Variants in WDR33 observed in about 807,000 individuals in gnomAD.
The protein encoded by WDR33 is WD repeat domain 33, also known as pre-mRNA 3' end processing protein WDR33.
WDR33 carries 47 observed loss-of-function variants against 164.9 expected under a neutral mutation model. That is an observed-to-expected ratio of 0.29 (90% CI 0.23 to 0.36). WDR33 has a LOEUF of 0.36. Ranked by LOEUF, WDR33 falls within the 10% of genes least tolerant of loss-of-function variation. The pLI, the probability that WDR33 is intolerant of heterozygous loss-of-function variation, is 1.00. For synonymous variants in WDR33, 505 were observed against 589.0 expected, an observed-to-expected ratio of 0.86 and a Z score of 2.06; for missense variants, 1,137 against 1,754.1, an observed-to-expected ratio of 0.65 and a Z score of 6.28.
chr2:127,717,234 C>A lies in WDR33; in HGVS notation c.2790G>T (p.Leu930=), dbSNP rs202200465. The A allele has an allele frequency of 1.2e-5, 20 of 1,604,636 alleles. No individual in the cohort carries two copies. The African/African-American group carries it at 2.7e-4, about 21-fold the overall frequency. Residue 930 remains leucine (L), a synonymous_variant, in exon 17 of 22, where the codon CTG becomes CTT. Transcript: ENST00000322313. This position sits in a 1 kb window ranked among gnomAD's most constrained non-coding sequence, Gnocchi z 5.6. ...QEGQSTGPPP[L]IPGLGQQGAQ... ...CTCCCTGCTGCCCTAGGCCTGGTATCAGGGGTGGGGGGCCTGTGCTCTGTC... is the reference window on the plus strand; with the variant it reads ...CTCCCTGCTGCCCTAGGCCTGGTATAAGGGGTGGGGGGCCTGTGCTCTGTC...
At chr2:127,794,374 C>T (rs190607936) in intron 1 of WDR33, among the ~76,000 whole-genome samples, 2,151 of 151,074 alleles carry the variant, frequency 0.014, 32 homozygotes, top group Middle Eastern at 0.086. Flanking sequence ...GTGGCAGGTG[C>T]CTGTAATCCC....
chr2:127,720,356 G>A lies in WDR33; in HGVS notation c.1672-3C>T, dbSNP rs1686407637. 6.7e-7 allele frequency: 1 copy of A among 1,499,816 alleles called. No homozygotes were observed. 92.9% of individuals were successfully genotyped at this position (1,499,816 alleles called of 1,614,324 possible). A position where few individuals can be genotyped will look rare whatever the true frequency, so the allele number is the denominator to read the frequency against. The stretch of plus-strand genomic sequence containing the variant: ...GCAAGTCTTTCAATTTTAAGTTGCT[G>A]GAAAGAAAGAAAGAAAAAAGCATGT... On this transcript the variant is annotated splice_polypyrimidine_tract_variant and splice_region_variant and intron_variant, in intron 15 of 21. Coordinates refer to ENST00000322313, the MANE Select transcript of WDR33 (RefSeq NM_018383.5). This position sits in a 1 kb window ranked among gnomAD's most constrained non-coding sequence, Gnocchi z 5.9.
chr2:127,802,186 CAG>C (rs897080726), intron 1 of WDR33, among the ~76,000 whole-genome samples: 7 of 151,176 alleles, frequency 4.6e-5, no homozygotes, highest in Non-Finnish European at 1.0e-4. Flanking sequence ...AAAATTAAGA[CAG>C]TAAAATTTTG....
Position 127,722,476 on chromosome 2 carries a change from T to C in WDR33, c.1518+115A>G. ...AACCATGTCTAAGAGTACGTGAACA[T>C]GGGAAAAATGCTCCAGTACAGAAAC... On this transcript the variant is annotated intron_variant, in intron 14 of 21. Coordinates refer to ENST00000322313, the MANE Select transcript of WDR33 (RefSeq NM_018383.5). The surrounding 1 kb of genome is among the most constrained non-coding windows in gnomAD (Gnocchi z 5.1). The C allele has an allele frequency of 3.5e-6, 5 of 1,413,884 alleles. No individual in the cohort carries two copies. In the South Asian group the frequency reaches 5.7e-5, roughly 16 times the overall value. The allele number at this position is 1,413,884 out of a possible 1,614,324, so 87.6% of individuals were successfully genotyped here.
At chr2:127,743,512 C>A (rs201028964) in intron 7 of WDR33, among the ~76,000 whole-genome samples, 2 of 152,138 alleles carry the variant, frequency 1.3e-5, no homozygotes, top group East Asian at 3.8e-4. Context: ...GAAATGCTAT[C>A]TTTTTTGTTC....
At chr2:127,732,378 G>C (rs13405016) in intron 7 of WDR33, among the ~76,000 whole-genome samples, 2 of 151,432 alleles carry the variant, frequency 1.3e-5, no homozygotes, top group Admixed American at 1.3e-4. Flanking sequence ...CACAGGAGGC[G>C]GAGGCTGCAG....
chr2:127,701,707 C>G lies in WDR33; in HGVS notation c.*4616G>C. 7.5e-7 allele frequency: 1 copy of G among 1,327,134 alleles called. No homozygotes were observed. Among genetic ancestry groups the G allele is most frequent in the South Asian group, 1.9e-5 (1 of 51,756 alleles). The allele number at this position is 1,327,134 out of a possible 1,614,324, so 82.2% of individuals were successfully genotyped here. On this transcript the variant is annotated 3_prime_UTR_variant, in exon 22 of 22. Transcript: ENST00000322313. ...ACGTGGGCGCGGAGCCCTGCGGAGT[C>G]GGCAGCGGCCGGCCTGACGTGCCTC...
intron 1 of WDR33, among the ~76,000 whole-genome samples, chr2:127,781,312 G>C (rs920835762): frequency 2.0e-5 from 3 of 152,272 alleles, no homozygotes; most frequent in Non-Finnish European, 4.4e-5. Flanking sequence ...CAAGAGTTAG[G>C]GGGGTAGGAG....
At chr2:127,767,231 C>A (rs937593052) in intron 4 of WDR33, among the ~76,000 whole-genome samples, 2 of 152,058 alleles carry the variant, frequency 1.3e-5, no homozygotes, top group Non-Finnish European at 2.9e-5. Flanking sequence ...TTGACACAAT[C>A]GTCTTTTCTC....
At position 127,712,345 on chromosome 2, in the gene WDR33, G is replaced by A. The variant is rs932803583; in HGVS notation, c.3308+1238C>T. 7.9e-5 allele frequency among the ~76,000 whole-genome samples: 12 copies of A among 151,572 alleles called. No homozygotes were observed. The highest frequency in any genetic ancestry group is 2.4e-4 in the African/African-American group (10 of 41,234). On this transcript the variant is annotated intron_variant, in intron 18 of 21. Transcript: ENST00000322313. The surrounding 1 kb of genome is among the most constrained non-coding windows in gnomAD (Gnocchi z 4.0). The stretch of plus-strand genomic sequence containing the variant: ...TGGAAGGTGGAGGCTGCAGTGAGCC[G>A]AGATCGTGCCACTGCACTCCAGCCT...
chr2:127,750,937 C>T (rs11693223), intron 7 of WDR33, among the ~76,000 whole-genome samples: 13,581 of 151,222 alleles, frequency 0.09, 659 homozygotes, highest in Middle Eastern at 0.16. Flanking sequence ...AAAAACTACA[C>T]AAAATGTCTA....
intron 18 of WDR33, among the ~76,000 whole-genome samples, chr2:127,711,780 A>ATATATATATATATAT: frequency 4.5e-5 from 4 of 88,316 alleles, no homozygotes; most frequent in Non-Finnish European, 8.0e-5. Context: ...ATATATATAT[A>ATATATATATATATAT]TTTTTTTTTT....
rs1161071581 is a variant in WDR33 at position 127,750,677 on chromosome 2, AATATATATATAT to A, written c.724+12373_724+12384del. ...AAAAAAAAAAAAAAAAAAAAAAAAAAATATATATATATATATATATATATATATATATATATG... is the reference window on the plus strand; with the variant it reads ...AAAAAAAAAAAAAAAAAAAAAAAAAAATATATATATATATATATATATATG... On this transcript the variant is annotated intron_variant, in intron 7 of 21. Transcript: ENST00000322313. Among the ~76,000 whole-genome samples the A allele has an allele frequency of 8.4e-4, 30 of 35,796 alleles. No individual in the cohort carries two copies. The East Asian group carries it at 0.011, about 13-fold the overall frequency. The allele number at this position is 35,796 out of a possible 152,430, so 23.5% of individuals were successfully genotyped here. A position where few individuals can be genotyped will look rare whatever the true frequency, so the allele number is the denominator to read the frequency against.
At chr2:127,760,349 T>C (rs1196643907) in intron 7 of WDR33, among the ~76,000 whole-genome samples, 1 of 152,220 alleles carries the variant, frequency 6.6e-6, no homozygotes, top group South Asian at 2.1e-4. Flanking sequence ...CCTGATGCCA[T>C]AGAGTCTATG....
intron 7 of WDR33, among the ~76,000 whole-genome samples, chr2:127,732,225 A>G (rs1686729653): frequency 6.6e-6 from 1 of 152,118 alleles, no homozygotes; most frequent in Non-Finnish European, 1.5e-5. Flanking sequence ...ATAATACTTA[A>G]GCTAGTAACC....
intron 7 of WDR33, among the ~76,000 whole-genome samples, chr2:127,754,141 T>C (rs1687449469): frequency 6.6e-6 from 1 of 152,204 alleles, no homozygotes; most frequent in African/African-American, 2.4e-5. Flanking sequence ...CATTCACTAC[T>C]TCAAACAATA....
intron 7 of WDR33, among the ~76,000 whole-genome samples, chr2:127,762,260 T>C (rs1687700654): frequency 1.3e-5 from 2 of 152,174 alleles, no homozygotes; most frequent in African/African-American, 4.8e-5. Context: ...AGGTTCAAAT[T>C]AAGCACTGGA....
At position 127,704,570 on chromosome 2, in the gene WDR33, G is replaced by C. The variant is rs997038377; in HGVS notation, c.*1753C>G. On this transcript the variant is annotated 3_prime_UTR_variant, in exon 22 of 22. Transcript: ENST00000322313. Reference sequence around the variant, plus strand: ...TAAAGCAATCTTGAGCCTCCTAATAGCATGTTTATGGTGGAGCGCTGATTA... The same window carrying C: ...TAAAGCAATCTTGAGCCTCCTAATACCATGTTTATGGTGGAGCGCTGATTA... 22 of 166,856 alleles carry C rather than the reference G, an allele frequency of 1.3e-4. No homozygotes were observed. The Admixed American group carries it at 1.4e-3, about 10-fold the overall frequency. 10.3% of individuals were successfully genotyped at this position (166,856 alleles called of 1,614,324 possible). A position where few individuals can be genotyped will look rare whatever the true frequency, so the allele number is the denominator to read the frequency against.
chr2:127,745,877 T>C (rs931685574), intron 7 of WDR33, among the ~76,000 whole-genome samples: 1 of 151,936 alleles, frequency 6.6e-6, no homozygotes, highest in Non-Finnish European at 1.5e-5. Context: ...AAACAATCTG[T>C]GGCTGGGCAT....
Sources: gnomAD v4.1 joint callset for allele counts (sites outside exome capture counted in the v4.1 genomes callset) on GRCh38, gnomAD v4.1.1 for gene constraint, Gnocchi (gnomAD v3.1) non-coding constraint, MANE v1.5 for transcripts, NCBI Gene and HGNC (gene_info 2026-07-23, HGNC 2026-07-21) for gene names.